Variants in LMNTD1 observed in about 807,000 individuals in gnomAD.
LMNTD1 encodes the protein lamin tail domain containing 1.
Under a neutral mutation model 50.9 loss-of-function variants are expected in LMNTD1, and 35 were observed. The ratio of observed to expected loss-of-function variants is 0.69; its 90% CI spans 0.53 to 0.91. The LOEUF (loss-of-function observed/expected upper bound fraction) is 0.91. Ranked by LOEUF, LMNTD1 falls within the 40% of genes least tolerant of loss-of-function variation. The pLI, the probability that LMNTD1 is intolerant of heterozygous loss-of-function variation, is 0.00. For missense variants in LMNTD1, 470 were observed against 475.5 expected (o/e 0.99, Z 0.11); for synonymous variants, 153 against 161.9 (o/e 0.94, Z 0.42).
chr12:25,629,847 T>C (rs1946675574), intron 1 of LMNTD1, among the ~76,000 whole-genome samples: 1 of 150,706 alleles, frequency 6.6e-6, no homozygotes, highest in Admixed American at 6.6e-5. Context: ...TTGAAAAGAG[T>C]CCTCATGGAG....
chr12:25,488,110 C>T lies in LMNTD1; in HGVS notation c.*23-11650G>A, dbSNP rs1266772269. Among the ~76,000 whole-genome samples the T allele has an allele frequency of 3.7e-3, 545 of 147,646 alleles. 4 individuals are homozygous for T. The highest frequency in any genetic ancestry group is 0.012 in the African/African-American group (481 of 40,406). On this transcript the variant is annotated intron_variant, in intron 9 of 9. Transcript: ENST00000458174. The stretch of plus-strand genomic sequence containing the variant: ...TTTGGTGAATCTGACAATTGTGTGT[C>T]TTGGAGTTGCTCTTCTCGAGGAGTA...
At position 25,519,839 on chromosome 12, in the gene LMNTD1, C is replaced by A; in HGVS notation, c.1016+19G>T. The A allele has an allele frequency of 6.4e-7, 1 of 1,572,858 alleles. No individual in the cohort carries two copies. The highest frequency in any genetic ancestry group is 1.1e-5 in the South Asian group (1 of 89,444). On this transcript the variant is annotated intron_variant, in intron 7 of 9. Coordinates refer to ENST00000458174, the MANE Select transcript of LMNTD1 (RefSeq NM_001145728.2). ...TGTGGGAAGGACCCATTAAAACAAA[C>A]AAACCAAACAACCCTTACCTCTTAA...
intron 1 of LMNTD1, among the ~76,000 whole-genome samples, chr12:25,599,743 A>T (rs2136503684): frequency 6.6e-6 from 1 of 152,020 alleles, no homozygotes; most frequent in South Asian, 2.1e-4. Flanking sequence ...TAACCAAAGA[A>T]GTGAGAGTGC....
chr12:25,619,246 C>CTA (rs1401057071), intron 1 of LMNTD1, among the ~76,000 whole-genome samples: 53 of 76,218 alleles, frequency 7.0e-4, no homozygotes, highest in African/African-American at 2.0e-3. Context: ...CTCTCTCTCT[C>CTA]TCTCTCTATA....
At chr12:25,493,216 C>G (rs967361035) in intron 9 of LMNTD1, among the ~76,000 whole-genome samples, 1 of 152,164 alleles carries the variant, frequency 6.6e-6, no homozygotes, top group Admixed American at 6.5e-5. Flanking sequence ...TATTCTTACA[C>G]ATTATTTTCA....
chr12:25,628,994 T>C (rs923308240), intron 1 of LMNTD1, among the ~76,000 whole-genome samples: 2 of 152,178 alleles, frequency 1.3e-5, no homozygotes, highest in African/African-American at 4.8e-5. Flanking sequence ...TGGACACTCT[T>C]CCCAGCAAAA....
intron 4 of LMNTD1, among the ~76,000 whole-genome samples, chr12:25,539,690 C>A (rs1344800550): frequency 6.7e-6 from 1 of 148,276 alleles, no homozygotes; most frequent in Non-Finnish European, 1.5e-5. Context: ...CAAACACATT[C>A]AAAAGCTAGC....
At chr12:25,615,310 G>A (rs1472223447) in intron 1 of LMNTD1, among the ~76,000 whole-genome samples, 1 of 152,190 alleles carries the variant, frequency 6.6e-6, no homozygotes, top group African/African-American at 2.4e-5. Flanking sequence ...GAGAAGCAGA[G>A]TAGAGTGTGT....
At chr12:25,625,094 A>G (rs777473942) in intron 1 of LMNTD1, among the ~76,000 whole-genome samples, 1 of 152,206 alleles carries the variant, frequency 6.6e-6, no homozygotes, top group South Asian at 2.1e-4. Flanking sequence ...CAGAGTGTTA[A>G]TGGGCATAGC....
At chr12:25,560,875 T>C (rs939035231) in intron 1 of LMNTD1, among the ~76,000 whole-genome samples, 35 of 152,362 alleles carry the variant, frequency 2.3e-4, no homozygotes, top group African/African-American at 7.5e-4. Context: ...TTTCTGCACA[T>C]TGATTTTGTA....
At chr12:25,624,968 G>A (rs1228671589) in intron 1 of LMNTD1, among the ~76,000 whole-genome samples, 3 of 152,174 alleles carry the variant, frequency 2.0e-5, no homozygotes, top group African/African-American at 7.2e-5. Flanking sequence ...TAGATCAAAA[G>A]TGAATAATAG....
chr12:25,605,104 A>G (rs573500625), intron 1 of LMNTD1, among the ~76,000 whole-genome samples: 77 of 152,188 alleles, frequency 5.1e-4, no homozygotes, highest in African/African-American at 1.8e-3. Context: ...GCCAGTGATG[A>G]TGAGCATTTT....
intron 1 of LMNTD1, among the ~76,000 whole-genome samples, chr12:25,577,045 G>T (rs978432937): frequency 6.6e-6 from 1 of 152,096 alleles, no homozygotes; most frequent in African/African-American, 2.4e-5. Context: ...TGTTCCATTG[G>T]TCTATATCTC....
At chr12:25,613,345 C>A (rs1203531921) in intron 1 of LMNTD1, among the ~76,000 whole-genome samples, 1 of 152,090 alleles carries the variant, frequency 6.6e-6, no homozygotes, top group Non-Finnish European at 1.5e-5. Context: ...ACCAAAAGAC[C>A]TGTGTGTGTT....
intron 1 of LMNTD1, among the ~76,000 whole-genome samples, chr12:25,622,290 A>G (rs186422099): frequency 1.2e-4 from 19 of 152,264 alleles, no homozygotes; most frequent in South Asian, 4.2e-4. Context: ...CTGAAAATCC[A>G]AACACCCTCA....
intron 1 of LMNTD1, among the ~76,000 whole-genome samples, chr12:25,629,659 A>G (rs1946670450): frequency 6.6e-6 from 1 of 152,216 alleles, no homozygotes; most frequent in Non-Finnish European, 1.5e-5. Flanking sequence ...TTTATTTGGA[A>G]CGGAGTGTGA....
chr12:25,601,769 C>T (rs1286086148), intron 1 of LMNTD1, among the ~76,000 whole-genome samples: 1 of 151,822 alleles, frequency 6.6e-6, no homozygotes, highest in Non-Finnish European at 1.5e-5. Flanking sequence ...TAATCCTTTT[C>T]TTTGACTTAT....
In LMNTD1 at chr12:25,608,594, C is replaced by T. The variant is rs1946173121; in HGVS notation, c.58+39900G>A. Among the ~76,000 whole-genome samples the T allele has an allele frequency of 2.0e-5, 3 of 152,304 alleles. No homozygotes were observed. In the South Asian group the frequency reaches 6.2e-4, roughly 32 times the overall value. Reference sequence around the variant, plus strand: ...TTTCATTTCTCCTTCACTTATGAAGCTTAGTTTGGCTGGATATGAAATTCT... The same window carrying T: ...TTTCATTTCTCCTTCACTTATGAAGTTTAGTTTGGCTGGATATGAAATTCT... On this transcript the variant is annotated intron_variant, in intron 1 of 7. Transcript: ENST00000445693.
rs147061472 is a variant in LMNTD1, at chr12:25,621,260, T to A, written c.58+27234A>T. Among the ~76,000 whole-genome samples, 6 of 152,272 alleles carry A rather than the reference T, an allele frequency of 3.9e-5. No individual in the cohort carries two copies. In the East Asian group the frequency reaches 7.7e-4, roughly 20 times the overall value. On this transcript the variant is annotated intron_variant, in intron 1 of 7. Transcript: ENST00000445693. The stretch of plus-strand genomic sequence containing the variant: ...GAGAAAGAGAGACAGGGTCACACTC[T>A]GTCACCCAGGCTGGAGTGCAGTGGC...
Sources: allele counts gnomAD v4.1 joint callset (sites outside exome capture counted in the v4.1 genomes callset), GRCh38; gene constraint gnomAD v4.1.1; transcripts MANE v1.5; gene names NCBI Gene and HGNC (gene_info 2026-07-23, HGNC 2026-07-21).